AKAP19: variants seen among roughly 807,000 people sequenced by gnomAD.
AKAP19 encodes small A-kinase anchoring protein.
the AKAP19 span, among the ~76,000 whole-genome samples, chr2:189,929,809 TGCCA>T: frequency 1.3e-5 from 2 of 152,218 alleles, no homozygotes; most frequent in African/African-American, 4.8e-5. Flanking sequence ...TTTTTGTGTG[TGCCA>T]GTGTTATAAA....
the AKAP19 span, among the ~76,000 whole-genome samples, chr2:189,995,667 C>A: frequency 6.6e-6 from 1 of 151,594 alleles, no homozygotes; most frequent in Non-Finnish European, 1.5e-5. Flanking sequence ...CTAGTTGTTG[C>A]CTGAATACCT....
the AKAP19 span, chr2:190,199,782 G>A: frequency 6.4e-7 from 1 of 1,559,972 alleles, no homozygotes; most frequent in Non-Finnish European, 8.6e-7. Context: ...AACATCACAT[G>A]GACAAATTTC....
At chr2:190,064,893 T>C in the AKAP19 span, among the ~76,000 whole-genome samples, 1 of 152,170 alleles carries the variant, frequency 6.6e-6, no homozygotes, top group Non-Finnish European at 1.5e-5. Context: ...CAGACAATTC[T>C]TATTATTCAT....
the AKAP19 span, chr2:190,200,237 A>T: frequency 9.7e-7 from 1 of 1,030,116 alleles, no homozygotes; most frequent in East Asian, 2.4e-5. Context: ...AGTACAAATA[A>T]CTATCTGGAT....
chr2:190,172,560 T>C, the AKAP19 span, among the ~76,000 whole-genome samples: 2 of 152,178 alleles, frequency 1.3e-5, no homozygotes, highest in African/African-American at 4.8e-5. Flanking sequence ...TTACAATGGA[T>C]ACTGCTCATG....
the AKAP19 span, among the ~76,000 whole-genome samples, chr2:190,033,236 A>T: frequency 0.018 from 2,695 of 152,296 alleles, 310 homozygotes; most frequent in East Asian, 0.32. Flanking sequence ...TATATACTCT[A>T]GTGTCTCTCC....
chr2:190,089,076 C>T, the AKAP19 span, among the ~76,000 whole-genome samples: 1 of 152,252 alleles, frequency 6.6e-6, no homozygotes, highest in East Asian at 1.9e-4. Flanking sequence ...GTCCAATGCT[C>T]TTTCATGTTG....
the AKAP19 span, among the ~76,000 whole-genome samples, chr2:190,038,941 T>TTCTTCTTCTTCTTCTTCTTCTTCC: frequency 4.9e-5 from 7 of 143,986 alleles, no homozygotes; most frequent in African/African-American, 2.0e-4. Context: ...CTTCTTCTTC[T>TTCTTCTTCTTCTTCTTCTTCTTCC]TCTTCTTCTT....
the AKAP19 span, among the ~76,000 whole-genome samples, chr2:190,148,216 T>G: frequency 7.2e-5 from 11 of 152,202 alleles, no homozygotes; most frequent in African/African-American, 2.7e-4. Flanking sequence ...TAATCATAAA[T>G]TGATGCTGGA....
chr2:189,996,613 G>C, the AKAP19 span, among the ~76,000 whole-genome samples: 1 of 151,806 alleles, frequency 6.6e-6, no homozygotes, highest in African/African-American at 2.4e-5. Flanking sequence ...ATTTCTTCTT[G>C]GTTTGGATTT....
At chr2:190,028,006 T>C in the AKAP19 span, among the ~76,000 whole-genome samples, 3 of 152,168 alleles carry the variant, frequency 2.0e-5, no homozygotes, top group Admixed American at 6.5e-5. Flanking sequence ...AACTGCCTTT[T>C]TTTAGTAACC....
At chr2:190,111,999 G>A in the AKAP19 span, among the ~76,000 whole-genome samples, 1 of 152,024 alleles carries the variant, frequency 6.6e-6, no homozygotes, top group Non-Finnish European at 1.5e-5. Flanking sequence ...CTGGGTTCAC[G>A]CCATTCTCCT....
the AKAP19 span, among the ~76,000 whole-genome samples, chr2:190,186,144 G>A: frequency 6.6e-6 from 1 of 151,986 alleles, no homozygotes; most frequent in Non-Finnish European, 1.5e-5. This position sits in a 1 kb window ranked among gnomAD's most constrained non-coding sequence, Gnocchi z 5.5. Context: ...TAGAGATGGG[G>A]TTTCACCATG....
chr2:189,974,101 T>C, the AKAP19 span, among the ~76,000 whole-genome samples: 4 of 152,202 alleles, frequency 2.6e-5, no homozygotes, highest in African/African-American at 4.8e-5. Context: ...TTTCCTGCTT[T>C]CTCTTGTGGG....
the AKAP19 span, among the ~76,000 whole-genome samples, chr2:190,069,170 G>GTGTGTGTGTGTGTGTGTGTC: frequency 2.7e-5 from 4 of 146,340 alleles, no homozygotes; most frequent in Admixed American, 2.7e-4. Context: ...GTGTGTGTGT[G>GTGTGTGTGTGTGTGTGTGTC]TGTGTGAGAG....
At chr2:190,001,871 T>G in the AKAP19 span, among the ~76,000 whole-genome samples, 9 of 152,228 alleles carry the variant, frequency 5.9e-5, no homozygotes. Context: ...TTATCAAGAA[T>G]GTGATTGCCC....
the AKAP19 span, among the ~76,000 whole-genome samples, chr2:190,016,258 TTGA>T: frequency 6.6e-6 from 1 of 152,214 alleles, no homozygotes; most frequent in East Asian, 1.9e-4. Context: ...AGAGGTTTAA[TTGA>T]CTCACAGTTC....
chr2:190,097,859 CAAAAAAAAAAA>C, the AKAP19 span, among the ~76,000 whole-genome samples: 4 of 64,526 alleles, frequency 6.2e-5, no homozygotes, highest in Non-Finnish European at 8.5e-5. Context: ...TGGTTTCTAC[CAAAAAAAAAAA>C]AAAAAAAAAA....
chr2:190,020,510 C>G, the AKAP19 span, among the ~76,000 whole-genome samples: 2 of 152,156 alleles, frequency 1.3e-5, no homozygotes, highest in Admixed American at 6.5e-5. Flanking sequence ...TGAGTCAGTA[C>G]TATGTATCAG....
Sources: gnomAD v4.1 joint callset for allele counts (sites outside exome capture counted in the v4.1 genomes callset) on GRCh38, gnomAD v4.1.1 for gene constraint, Gnocchi (gnomAD v3.1) non-coding constraint, MANE v1.5 for transcripts, NCBI Gene and HGNC (gene_info 2026-07-23, HGNC 2026-07-21) for gene names.